The following GFM1 variants were observed in gnomAD, a reference collection of about 807,000 sequenced individuals.
The protein encoded by GFM1 is elongation factor G, mitochondrial.
In GFM1, 62 loss-of-function variants were observed where a neutral mutation model predicts 96.2. The observed-to-expected ratio is 0.64, with a 90% confidence interval of 0.53 to 0.80. The LOEUF (loss-of-function observed/expected upper bound fraction) is 0.80. Ranked by LOEUF, GFM1 falls within the 30% of genes least tolerant of loss-of-function variation. The pLI, the probability that GFM1 is intolerant of heterozygous loss-of-function variation, is 0.00. For synonymous variants in GFM1, 282 were observed against 312.9 expected, an observed-to-expected ratio of 0.90 and a Z score of 1.04; for missense variants, 852 against 916.6, an observed-to-expected ratio of 0.93 and a Z score of 0.91.
chr3:158,691,942 C>T lies in GFM1; in HGVS notation c.*475C>T, dbSNP rs528865710. 1 of 173,238 alleles carries T rather than the reference C, an allele frequency of 5.8e-6. No homozygotes were observed. Among genetic ancestry groups the T allele is most frequent in the African/African-American group, 2.4e-5 (1 of 41,368 alleles). The allele number at this position is 173,238 out of a possible 1,614,324, so 10.7% of individuals were successfully genotyped here. On this transcript the variant is annotated 3_prime_UTR_variant, in exon 18 of 18. Transcript: ENST00000486715. ...ATTTGTTTTGTCATATTTGCTTTCA[C>T]TGTCTATTATCTGTTTAAGTCTCAT...
intron 15 of GFM1, among the ~76,000 whole-genome samples, chr3:158,686,352 T>C (rs996599171): frequency 6.8e-6 from 1 of 147,764 alleles, no homozygotes; most frequent in Non-Finnish European, 1.5e-5. Flanking sequence ...ATATAAAATA[T>C]ATAAATATGT....
Position 158,666,298 on chromosome 3 carries a change from T to A in GFM1, c.1519-6T>A. On this transcript the variant is annotated splice_polypyrimidine_tract_variant and splice_region_variant and intron_variant, in intron 12 of 17. Transcript: ENST00000486715. ...ATTTAAATAATATTTTCCCCACTCT[T>A]TTTAGAGGCTGGAAAGAGAGTATGG... 1 of 1,609,276 alleles carries A rather than the reference T, an allele frequency of 6.2e-7. No homozygotes were observed. Among genetic ancestry groups the A allele is most frequent in the Non-Finnish European group, 8.5e-7 (1 of 1,176,042 alleles).
At chr3:158,675,196 G>A (rs1340244867) in intron 13 of GFM1, among the ~76,000 whole-genome samples, 1 of 148,224 alleles carries the variant, frequency 6.7e-6, no homozygotes, top group African/African-American at 2.5e-5. Context: ...CTGAGGCAGG[G>A]AACTGCTTGA....
chr3:158,644,821 T>A (rs1307167770), intron 1 of GFM1, 106 bp downstream of exon 1: 1 of 910,438 alleles, frequency 1.1e-6, no homozygotes, highest in African/African-American at 1.7e-5. Context: ...GACTGACAGC[T>A]CCGAATACTG....
chr3:158,655,933 T>C (rs181169542), intron 8 of GFM1: 35 of 457,062 alleles, frequency 7.7e-5, no homozygotes, highest in Admixed American at 1.6e-4. Context: ...TCTTAGACTT[T>C]CCTTGTTTCT....
At chr3:158,668,917 C>A in intron 13 of GFM1, 2 of 1,287,994 alleles carry the variant, frequency 1.6e-6, no homozygotes, top group Non-Finnish European at 2.2e-6. Flanking sequence ...TATAGGAATA[C>A]TGTTAATCCA....
intron 9 of GFM1, among the ~76,000 whole-genome samples, chr3:158,659,413 T>G: frequency 6.6e-6 from 1 of 152,200 alleles, no homozygotes; most frequent in Non-Finnish European, 1.5e-5. Flanking sequence ...CTGTGATTCT[T>G]AAAGATAAGA....
At chr3:158,645,358 C>T (rs993631481) in intron 1 of GFM1, among the ~76,000 whole-genome samples, 7 of 152,134 alleles carry the variant, frequency 4.6e-5, no homozygotes, top group African/African-American at 1.7e-4. Flanking sequence ...TGTGTATTTT[C>T]AAATCTGCAG....
intron 10 of GFM1, among the ~76,000 whole-genome samples, chr3:158,661,532 T>C (rs1233886611): frequency 6.6e-6 from 1 of 152,190 alleles, no homozygotes; most frequent in African/African-American, 2.4e-5. Flanking sequence ...AGCCTGCCCT[T>C]TGGAACTCAG....
chr3:158,659,669 G>C (rs1041220293), intron 9 of GFM1, among the ~76,000 whole-genome samples: 7 of 152,102 alleles, frequency 4.6e-5, no homozygotes, highest in Non-Finnish European at 1.0e-4. Flanking sequence ...TAGTCCTTAT[G>C]GTTAGGCCTT....
At chr3:158,670,890 G>T in intron 13 of GFM1, 2 of 1,389,004 alleles carry the variant, frequency 1.4e-6, no homozygotes, top group Non-Finnish European at 1.9e-6. Flanking sequence ...GCCATGTTCT[G>T]CCACTGCACT....
At chr3:158,645,587 T>C (rs200606663) in intron 1 of GFM1, 42 bp from the exon 2 acceptor site, 163 of 1,529,546 alleles carry the variant, frequency 1.1e-4, no homozygotes, top group Non-Finnish European at 1.2e-4. Flanking sequence ...TTGTTCTCTC[T>C]TATAAAAGGT....
chr3:158,650,181 C>A, intron 5 of GFM1: 1 of 822,388 alleles, frequency 1.2e-6, no homozygotes, highest in Non-Finnish European at 2.0e-6. Flanking sequence ...TTTTATGTAA[C>A]AACTGAGTAA....
At chr3:158,675,786 C>T (rs1724834168) in intron 13 of GFM1, among the ~76,000 whole-genome samples, 1 of 152,060 alleles carries the variant, frequency 6.6e-6, no homozygotes, top group African/African-American at 2.4e-5. Flanking sequence ...TCAATTAGTC[C>T]TGGGATAATT....
At chr3:158,674,033 C>T (rs1044886655) in intron 13 of GFM1, among the ~76,000 whole-genome samples, 8 of 150,940 alleles carry the variant, frequency 5.3e-5, no homozygotes, top group Admixed American at 1.3e-4. Context: ...CAGTCTTGTC[C>T]GTGTATGAGA....
chr3:158,689,442 G>T (rs62288345), intron 15 of GFM1, among the ~76,000 whole-genome samples: 26,897 of 152,038 alleles, frequency 0.18, 2,457 homozygotes, highest in Non-Finnish European at 0.22. Flanking sequence ...AAGACAGATC[G>T]TAGGCGTGGC....
chr3:158,672,464 C>A, intron 13 of GFM1: 2 of 1,613,950 alleles, frequency 1.2e-6, no homozygotes, highest in South Asian at 2.2e-5. Flanking sequence ...GGTAGTTGGT[C>A]GGCGGGATTT....
chr3:158,651,635 A>G (rs1722304335), intron 5 of GFM1, among the ~76,000 whole-genome samples: 1 of 152,220 alleles, frequency 6.6e-6, no homozygotes, highest in African/African-American at 2.4e-5. Flanking sequence ...TACACTGAAG[A>G]GTTTAAACTT....
intron 13 of GFM1, among the ~76,000 whole-genome samples, chr3:158,670,791 GGTGTA>G (rs1724211659): frequency 6.6e-6 from 1 of 152,096 alleles, no homozygotes; most frequent in South Asian, 2.1e-4. Flanking sequence ...AAATTAGCCA[GGTGTA>G]GTGGCATGCA....
Sources: gnomAD v4.1 joint callset for allele counts (sites outside exome capture counted in the v4.1 genomes callset) on GRCh38, gnomAD v4.1.1 for gene constraint, MANE v1.5 for transcripts, NCBI Gene and HGNC (gene_info 2026-07-23, HGNC 2026-07-21) for gene names.